RBFOX1: variants seen among roughly 807,000 people sequenced by gnomAD.
RBFOX1 encodes RNA binding protein fox-1 homolog 1.
Under a neutral mutation model 57.7 loss-of-function variants are expected in RBFOX1, and 8 were observed. The observed-to-expected ratio is 0.14, with a 90% CI of 0.08 to 0.25. The LOEUF is 0.25. Among genes scored for constraint, RBFOX1 ranks in the 10% least tolerant of loss-of-function variants. The pLI is 1.00. For missense variants in RBFOX1, 611 were observed against 548.5 expected, an observed-to-expected ratio of 1.11 and a Z score of -1.14; for synonymous variants, 326 against 222.4, an observed-to-expected ratio of 1.47 and a Z score of -4.15.
chr16:6,598,674 G>A (rs889732822), intron 2 of RBFOX1, among the ~76,000 whole-genome samples: 4 of 152,126 alleles, frequency 2.6e-5, no homozygotes, highest in African/African-American at 9.7e-5. Flanking sequence ...CTGGCTGGGC[G>A]TGGTGGCTCA....
At chr16:7,481,322 T>C (rs12932094) in intron 4 of RBFOX1, among the ~76,000 whole-genome samples, 53,723 of 152,168 alleles carry the variant, frequency 0.35, 11,467 homozygotes, top group Non-Finnish European at 0.48. Flanking sequence ...TGTGTAAACT[T>C]GTGGATATTT....
chr16:7,487,305 C>T (rs1272181954), intron 4 of RBFOX1, among the ~76,000 whole-genome samples: 1 of 152,072 alleles, frequency 6.6e-6, no homozygotes, highest in Non-Finnish European at 1.5e-5. Context: ...AAATAGCGGC[C>T]CCATCACTGT....
chr16:6,286,452 T>C (rs1307500541), intron 1 of RBFOX1, among the ~76,000 whole-genome samples: 1 of 152,224 alleles, frequency 6.6e-6, no homozygotes, highest in Admixed American at 6.5e-5. Context: ...TCTCTGAGCA[T>C]CCCTCTCCTC....
intron 3 of RBFOX1, among the ~76,000 whole-genome samples, chr16:5,617,771 C>T (rs775743920): frequency 1.1e-4 from 16 of 152,138 alleles, no homozygotes; most frequent in Non-Finnish European, 2.1e-4. Flanking sequence ...AAGGTTTGCT[C>T]TTTGATTTGT....
intron 3 of RBFOX1, among the ~76,000 whole-genome samples, chr16:6,983,164 C>T (rs372708935): frequency 3.9e-5 from 6 of 152,006 alleles, no homozygotes; most frequent in East Asian, 1.9e-4. Context: ...GCAGGGATAG[C>T]ACACCAAGCC....
At chr16:6,679,823 A>G (rs1412319736) in intron 3 of RBFOX1, among the ~76,000 whole-genome samples, 1 of 150,772 alleles carries the variant, frequency 6.6e-6, no homozygotes. Flanking sequence ...TCAGAGATGC[A>G]GAGAAAGGCT....
At chr16:6,252,216 C>A (rs986837218) in intron 1 of RBFOX1, among the ~76,000 whole-genome samples, 3 of 152,010 alleles carry the variant, frequency 2.0e-5, no homozygotes, top group African/African-American at 4.8e-5. Flanking sequence ...AGGCAGAGAG[C>A]CCTTCTGCCA....
chr16:6,060,122 G>GTTTTTTGTTTT (rs1567355465), intron 1 of RBFOX1, among the ~76,000 whole-genome samples: 2 of 114,206 alleles, frequency 1.8e-5, no homozygotes, highest in Admixed American at 1.9e-4. Flanking sequence ...TAGGATTAGG[G>GTTTTTTGTTTT]TTTTTTTTTT....
intron 4 of RBFOX1, among the ~76,000 whole-genome samples, chr16:5,929,744 A>T (rs2059010115): frequency 6.6e-6 from 1 of 152,160 alleles, no homozygotes; most frequent in African/African-American, 2.4e-5. Context: ...TGATAGATTT[A>T]CACACATGCA....
chr16:6,682,062 G>C (rs1311904084), intron 3 of RBFOX1, among the ~76,000 whole-genome samples: 1 of 152,176 alleles, frequency 6.6e-6, no homozygotes, highest in Non-Finnish European at 1.5e-5. Flanking sequence ...ACTGGATCCA[G>C]TTTGTTTTGC....
intron 2 of RBFOX1, among the ~76,000 whole-genome samples, chr16:6,633,020 A>C (rs556599398): frequency 2.8e-4 from 43 of 152,156 alleles, no homozygotes; most frequent in Non-Finnish European, 5.1e-4. Context: ...GGAGACATTG[A>C]AAAATAAATA....
upstream of RBFOX1, among the ~76,000 whole-genome samples, chr16:6,018,288 G>GGA (rs1377681651): frequency 1.3e-5 from 2 of 152,064 alleles, no homozygotes; most frequent in African/African-American, 4.8e-5. Context: ...ACCCAGGAAG[G>GGA]GAGAAATATT....
intron 3 of RBFOX1, among the ~76,000 whole-genome samples, chr16:5,831,675 G>A (rs1274033300): frequency 6.6e-6 from 1 of 151,840 alleles, no homozygotes; most frequent in African/African-American, 2.4e-5. Context: ...TTTTGGTAGA[G>A]ACGGGGTTTC....
At chr16:5,398,235 A>G (rs2066616945) in intron 1 of RBFOX1, among the ~76,000 whole-genome samples, 1 of 152,016 alleles carries the variant, frequency 6.6e-6, no homozygotes, top group Non-Finnish European at 1.5e-5. Flanking sequence ...ACATGTGTGG[A>G]CATGGACATG....
chr16:6,100,525 C>G (rs889216730), intron 1 of RBFOX1, among the ~76,000 whole-genome samples: 1 of 152,212 alleles, frequency 6.6e-6, no homozygotes, highest in Non-Finnish European at 1.5e-5. Flanking sequence ...ACACTAAACA[C>G]AAACCTTGCA....
intron 2 of RBFOX1, among the ~76,000 whole-genome samples, chr16:6,464,088 A>G (rs142899756): frequency 9.6e-4 from 146 of 152,322 alleles, no homozygotes; most frequent in African/African-American, 3.4e-3. Flanking sequence ...TCCCACTGGG[A>G]TGAAGGCAAC....
At chr16:6,344,589 G>A (rs2085072168) in intron 2 of RBFOX1, among the ~76,000 whole-genome samples, 1 of 150,806 alleles carries the variant, frequency 6.6e-6, no homozygotes, top group African/African-American at 2.4e-5. Context: ...AGTAGAGACG[G>A]CGTTTCAGCG....
intron 3 of RBFOX1, among the ~76,000 whole-genome samples, chr16:6,964,270 C>G (rs918579150): frequency 2.0e-5 from 3 of 152,142 alleles, no homozygotes; most frequent in African/African-American, 4.8e-5. Flanking sequence ...GCACCCCCCT[C>G]GACCTCCCAA....
intron 4 of RBFOX1, among the ~76,000 whole-genome samples, chr16:7,240,207 T>C (rs564794510): frequency 6.6e-6 from 1 of 152,262 alleles, no homozygotes; most frequent in African/African-American, 2.4e-5. Flanking sequence ...CCTCAGGTGA[T>C]CCTCCCGCCT....
Sources: gnomAD v4.1 joint callset for allele counts (sites outside exome capture counted in the v4.1 genomes callset) on GRCh38, gnomAD v4.1.1 for gene constraint, MANE v1.5 for transcripts, NCBI Gene and HGNC (gene_info 2026-07-23, HGNC 2026-07-21) for gene names.